EBF1: variants seen among roughly 807,000 people sequenced by gnomAD.
EBF1 encodes the protein transcription factor COE1.
In EBF1, 10 loss-of-function variants were observed where a neutral mutation model predicts 68.4. That is an observed-to-expected ratio of 0.15 (90% CI 0.09 to 0.25). The LOEUF is 0.25. EBF1 is among the 10% of genes least tolerant of loss of function. The pLI, the probability that EBF1 is intolerant of heterozygous loss-of-function variation, is 1.00. For synonymous variants in EBF1, 298 were observed against 299.8 expected (o/e 0.99, Z 0.06); for missense variants, 509 against 794.4 (o/e 0.64, Z 4.32).
intron 6 of EBF1, among the ~76,000 whole-genome samples, chr5:158,981,929 T>C (rs1264154847): frequency 2.6e-5 from 4 of 152,186 alleles, no homozygotes; most frequent in Non-Finnish European, 4.4e-5. Flanking sequence ...CTTCAAATCA[T>C]TAACATACAG....
chr5:158,733,543 A>C (rs1053846276), intron 10 of EBF1, among the ~76,000 whole-genome samples: 3 of 152,208 alleles, frequency 2.0e-5, no homozygotes, highest in African/African-American at 7.2e-5. Context: ...TGGAACTAAT[A>C]GCTAAAGAGC....
At chr5:158,707,348 A>G (rs757858719) in intron 15 of EBF1, among the ~76,000 whole-genome samples, 35 of 152,372 alleles carry the variant, frequency 2.3e-4, no homozygotes, top group Admixed American at 5.2e-4. Flanking sequence ...TATTTTCCAA[A>G]TGCAATGGTG....
At chr5:158,846,291 C>A (rs1480703882) in intron 6 of EBF1, among the ~76,000 whole-genome samples, 1 of 152,194 alleles carries the variant, frequency 6.6e-6, no homozygotes, top group Non-Finnish European at 1.5e-5. Context: ...TTAAAAGGAC[C>A]TCTTTGGAAA....
chr5:158,923,744 C>T (rs1214232412), intron 6 of EBF1, among the ~76,000 whole-genome samples: 1 of 152,214 alleles, frequency 6.6e-6, no homozygotes, highest in East Asian at 1.9e-4. Context: ...AAAACCAGTG[C>T]CCAGCCCATT....
intron 6 of EBF1, among the ~76,000 whole-genome samples, chr5:159,034,189 G>T (rs1221357055): frequency 2.0e-5 from 3 of 152,032 alleles, no homozygotes; most frequent in Non-Finnish European, 2.9e-5. Context: ...TTTTTGACTT[G>T]TTGGCCCTAA....
At chr5:158,927,279 C>T (rs1272632983) in intron 6 of EBF1, among the ~76,000 whole-genome samples, 1 of 152,158 alleles carries the variant, frequency 6.6e-6, no homozygotes, top group Non-Finnish European at 1.5e-5. Context: ...TAATCATCAT[C>T]GATGTTGTCA....
chr5:159,096,313 G>T, intron 3 of EBF1, 30 bp downstream of exon 3: 1 of 1,608,146 alleles, frequency 6.2e-7, no homozygotes, highest in South Asian at 1.1e-5. Context: ...GAGCCCCAGG[G>T]TGAGGCCATA....
At chr5:158,745,197 T>C (rs1344304339) in intron 10 of EBF1, among the ~76,000 whole-genome samples, 2 of 152,216 alleles carry the variant, frequency 1.3e-5, no homozygotes, top group African/African-American at 4.8e-5. Flanking sequence ...GCAATGGGTA[T>C]GTGGCCACTT....
At chr5:158,940,827 G>A (rs372944940) in intron 6 of EBF1, among the ~76,000 whole-genome samples, 1 of 129,890 alleles carries the variant, frequency 7.7e-6, no homozygotes, top group Non-Finnish European at 1.5e-5. Context: ...ATCCCCAACA[G>A]AGGACACTTC....
intron 6 of EBF1, among the ~76,000 whole-genome samples, chr5:159,011,682 C>G (rs992367551): frequency 1.3e-5 from 2 of 152,096 alleles, no homozygotes; most frequent in Non-Finnish European, 2.9e-5. Flanking sequence ...TGTTAGAACC[C>G]CCCCTTCTCT....
At chr5:159,098,392 G>A (rs1282127873) in intron 1 of EBF1, among the ~76,000 whole-genome samples, 1 of 152,114 alleles carries the variant, frequency 6.6e-6, no homozygotes, top group Non-Finnish European at 1.5e-5. Flanking sequence ...AAGACTTTTG[G>A]GAGATATCAG....
intron 6 of EBF1, among the ~76,000 whole-genome samples, chr5:158,926,867 G>C (rs1468473329): frequency 6.6e-6 from 1 of 152,118 alleles, no homozygotes; most frequent in African/African-American, 2.4e-5. Context: ...ACAGACTTTA[G>C]TAATGTATTA....
intron 6 of EBF1, among the ~76,000 whole-genome samples, chr5:158,995,142 T>C (rs1213818058): frequency 1.3e-5 from 2 of 152,122 alleles, no homozygotes; most frequent in Non-Finnish European, 2.9e-5. Context: ...ATGGGAGAAT[T>C]TGGGGAATAG....
At chr5:158,846,951 G>T (rs1251300856) in intron 6 of EBF1, among the ~76,000 whole-genome samples, 2 of 152,302 alleles carry the variant, frequency 1.3e-5, no homozygotes, top group African/African-American at 4.8e-5. Context: ...CACAGATGAA[G>T]CAAATTCTCT....
chr5:159,031,300 G>T (rs1219509151), intron 6 of EBF1, among the ~76,000 whole-genome samples: 1 of 152,176 alleles, frequency 6.6e-6, no homozygotes, highest in Non-Finnish European at 1.5e-5. Context: ...AACTAGAAAG[G>T]GATCCTGTAT....
chr5:159,020,407 G>T (rs368854187), intron 6 of EBF1, among the ~76,000 whole-genome samples: 2 of 152,134 alleles, frequency 1.3e-5, no homozygotes, highest in Non-Finnish European at 2.9e-5. Flanking sequence ...CAGAAACAAG[G>T]CTCTGCCTCA....
At chr5:159,082,927 C>A (rs2127977634) in intron 5 of EBF1, among the ~76,000 whole-genome samples, 1 of 152,266 alleles carries the variant, frequency 6.6e-6, no homozygotes, top group South Asian at 2.1e-4. Context: ...TAATAAAGTA[C>A]TTTGGACCAG....
At chr5:158,852,354 C>G (rs1793119543) in intron 6 of EBF1, among the ~76,000 whole-genome samples, 1 of 152,102 alleles carries the variant, frequency 6.6e-6, no homozygotes, top group Non-Finnish European at 1.5e-5. Context: ...CCTCCCTTGT[C>G]CCAGTCTCAG....
At chr5:158,999,200 C>G (rs538899248) in intron 6 of EBF1, among the ~76,000 whole-genome samples, 196 of 152,288 alleles carry the variant, frequency 1.3e-3, no homozygotes, top group African/African-American at 4.5e-3. Flanking sequence ...CTGGCAATTC[C>G]TAAGAGTGTA....
Sources: allele counts gnomAD v4.1 joint callset (sites outside exome capture counted in the v4.1 genomes callset), GRCh38; gene constraint gnomAD v4.1.1; transcripts MANE v1.5; gene names NCBI Gene and HGNC (gene_info 2026-07-23, HGNC 2026-07-21).